E2F5: variants seen among roughly 807,000 people sequenced by gnomAD.
E2F5 encodes E2F transcription factor 5.
E2F5 carries 23 observed loss-of-function variants against 39.1 expected under a neutral mutation model. The ratio of observed to expected loss-of-function variants is 0.59; its 90% confidence interval spans 0.42 to 0.83. The LOEUF is 0.83. Ranked by LOEUF, E2F5 falls within the 40% of genes least tolerant of loss-of-function variation. The probability of loss-of-function intolerance (pLI) is 0.00; values close to 1 mark genes in which losing one functional copy is unlikely to be tolerated. For missense variants in E2F5, 365 were observed against 406.7 expected (o/e 0.90, Z 0.88); for synonymous variants, 145 against 157.8 (o/e 0.92, Z 0.61).
rs753208206 is a variant in E2F5, at chr8:85,213,755, T to A, written c.934T>A (p.Phe312Ile). 6.3e-6 allele frequency: 10 copies of A among 1,598,794 alleles called. No individual in the cohort carries two copies. Among genetic ancestry groups the A allele is most frequent in the African/African-American group, 1.3e-5 (1 of 74,442 alleles). ...CTAAATTTGTTTTTTGTTCGCAGTG[T>A]TTCCTCTCTTAAGGCTTTCTCCTAC... ...IIDELMSSDV[F>I]PLLRLSPTPA... The change falls in exon 8 of 8, where the codon TTT (phenylalanine) becomes ATT (isoleucine). Residue 312 changes from phenylalanine to isoleucine, a missense_variant and splice_region_variant. By Grantham distance (21) the Phe-to-Ile change is conservative (BLOSUM62 0). Transcript: ENST00000416274.
chr8:85,212,232 A>G, intron 7 of E2F5, 28 bp downstream of exon 7: 1 of 1,507,614 alleles, frequency 6.6e-7, no homozygotes, highest in Non-Finnish European at 9.2e-7. Flanking sequence ...TTACTAACTC[A>G]CTTATCAGTA....
At chr8:85,198,075 C>G (rs1812618242) in intron 1 of E2F5, among the ~76,000 whole-genome samples, 1 of 152,126 alleles carries the variant, frequency 6.6e-6, no homozygotes, top group Admixed American at 6.5e-5. Context: ...AAAAATCAAC[C>G]AGAAGGAAAT....
Position 85,214,373 on chromosome 8 carries a change from CTTTAAG to C in E2F5, c.*516_*521del, listed in dbSNP as rs564701079. 297 of 610,414 alleles carry C rather than the reference CTTTAAG, an allele frequency of 4.9e-4. No individual in the cohort carries two copies. Among genetic ancestry groups the C allele is most frequent in the African/African-American group, 1.7e-3 (92 of 53,784 alleles). The allele number at this position is 610,414 out of a possible 1,614,324, so 37.8% of individuals were successfully genotyped here. On this transcript the variant is annotated 3_prime_UTR_variant, in exon 8 of 8. Coordinates refer to ENST00000416274, the MANE Select transcript of E2F5 (RefSeq NM_001951.4). The stretch of plus-strand genomic sequence containing the variant: ...TTGTGAAGTGCCTTCTGTTTTAGCA[CTTTAAG>C]TTTATCACATTTTGTTGACTTCTGA...
At chr8:85,183,252 G>A (rs991249053) in intron 1 of E2F5, among the ~76,000 whole-genome samples, 2 of 151,988 alleles carry the variant, frequency 1.3e-5, no homozygotes, top group African/African-American at 4.8e-5. Flanking sequence ...ACTCCGTCTC[G>A]AAAAACAGCA....
intron 1 of E2F5, among the ~76,000 whole-genome samples, chr8:85,183,945 G>A (rs1465320511): frequency 2.0e-5 from 3 of 152,044 alleles, no homozygotes; most frequent in Non-Finnish European, 4.4e-5. Context: ...GGGGAAATTT[G>A]GATATACAAA....
At chr8:85,184,969 A>G (rs892314981) in intron 1 of E2F5, among the ~76,000 whole-genome samples, 1 of 152,220 alleles carries the variant, frequency 6.6e-6, no homozygotes, top group African/African-American at 2.4e-5. Flanking sequence ...TGCTATCCCT[A>G]TCAAGCTACC....
In E2F5 at chr8:85,203,219, G is replaced by T; in HGVS notation, c.470G>T (p.Ser157Ile). The T allele has an allele frequency of 6.2e-7, 1 of 1,601,806 alleles. No homozygotes were observed. Among genetic ancestry groups the T allele is most frequent in the South Asian group, 1.1e-5 (1 of 88,162 alleles). Residue 157 changes from serine to isoleucine, a missense_variant, in exon 3 of 8, where the codon AGC becomes ATC. By Grantham distance (142) the Ser-to-Ile change is moderately radical (BLOSUM62 -2). Coordinates refer to ENST00000416274, the MANE Select transcript of E2F5 (RefSeq NM_001951.4). Reference sequence around the variant, plus strand: ...CAGCAGAAGTTGTGGCTACAGCAAAGCATCAAAAATGTGATGGACGATTCC... The same window carrying T: ...CAGCAGAAGTTGTGGCTACAGCAAATCATCAAAAATGTGATGGACGATTCC... ...LDQQKLWLQQ[S>I]IKNVMDDSIN... is the part of the protein sequence containing the mutation.
At chr8:85,177,855 C>G in intron 1 of E2F5, 1 of 940,614 alleles carries the variant, frequency 1.1e-6, no homozygotes, top group Non-Finnish European at 1.3e-6. Context: ...AGGATGGCAC[C>G]GAGCGGACGC....
At chr8:85,199,350 T>C (rs546022838) in intron 1 of E2F5, among the ~76,000 whole-genome samples, 88 of 152,280 alleles carry the variant, frequency 5.8e-4, no homozygotes, top group Middle Eastern at 3.4e-3. Flanking sequence ...GAGAGCTCTT[T>C]CCCTGAAAAT....
Position 85,213,848 on chromosome 8 carries a change from A to G in E2F5, c.1027A>G (p.Ile343Val), listed in dbSNP as rs1813017796. 1.3e-6 allele frequency: 2 copies of G among 1,597,606 alleles called. No individual in the cohort carries two copies. Among genetic ancestry groups the G allele is most frequent in the Non-Finnish European group, 1.7e-6 (2 of 1,165,694 alleles). Reference protein sequence around the residue: ...EGVCDLFDVQILNY With the variant: ...EGVCDLFDVQVLNY Reference sequence around the variant, plus strand: ...AGTTTGTGATCTGTTTGATGTCCAGATACTAAATTATTAGATTCCATGGAA... The same window carrying G: ...AGTTTGTGATCTGTTTGATGTCCAGGTACTAAATTATTAGATTCCATGGAA... The change falls in exon 8 of 8, where the codon ATA (isoleucine) becomes GTA (valine). Residue 343 changes from isoleucine (I) to valine (V), a missense_variant. Transcript: ENST00000416274.
chr8:85,177,665 G>C lies in E2F5; in HGVS notation c.234+11G>C, dbSNP rs1287910875. Reference sequence around the variant, plus strand: ...CTGGATCTCAAAGCGGTGAGCTCCGGAGGCGGGGACGGGGGCGGACTTCGG... The same window carrying C: ...CTGGATCTCAAAGCGGTGAGCTCCGCAGGCGGGGACGGGGGCGGACTTCGG... On this transcript the variant is annotated intron_variant, in intron 1 of 7. Transcript: ENST00000416274. 3.9e-6 allele frequency: 5 copies of C among 1,281,518 alleles called. No individual in the cohort carries two copies. The highest frequency in any genetic ancestry group is 6.8e-5 in the South Asian group (2 of 29,218). 79.4% of individuals were successfully genotyped at this position (1,281,518 alleles called of 1,614,324 possible). A position where few individuals can be genotyped will look rare whatever the true frequency, so the allele number is the denominator to read the frequency against.
intron 1 of E2F5, among the ~76,000 whole-genome samples, chr8:85,193,213 A>G (rs1335529353): frequency 6.6e-6 from 1 of 152,090 alleles, no homozygotes; most frequent in Non-Finnish European, 1.5e-5. Flanking sequence ...GGCCAGGTGC[A>G]GTGGCTCATG....
At chr8:85,213,557 A>G (rs897076590) in intron 7 of E2F5, 196 bp from the exon 8 acceptor site, 4 of 286,270 alleles carry the variant, frequency 1.4e-5, no homozygotes, top group East Asian at 6.5e-5. Flanking sequence ...AAAAAAAAAA[A>G]AAAAGAAAAA....
At chr8:85,200,445 C>T in intron 1 of E2F5, 1 of 386,506 alleles carries the variant, frequency 2.6e-6, no homozygotes, top group Non-Finnish European at 3.5e-6. Context: ...ATAAACAAGA[C>T]ACCTTTTTAA....
Position 85,209,422 on chromosome 8 carries a change from CCTTT to C in E2F5, c.883+18_883+21del, listed in dbSNP as rs1812869825. On this transcript the variant is annotated intron_variant, in intron 6 of 7. Transcript: ENST00000416274. The stretch of plus-strand genomic sequence containing the variant: ...GATATATCTTCAGGTGGGTTCAGAG[CCTTT>C]CTTTTGTAAATTAGAGAGGGAGAAA... The C allele has an allele frequency of 1.3e-6, 2 of 1,582,268 alleles. No individual in the cohort carries two copies. Among genetic ancestry groups the C allele is most frequent in the South Asian group, 1.2e-5 (1 of 86,906 alleles).
chr8:85,184,451 A>T (rs1812285014), intron 1 of E2F5, among the ~76,000 whole-genome samples: 1 of 152,220 alleles, frequency 6.6e-6, no homozygotes, highest in African/African-American at 2.4e-5. Flanking sequence ...TTCGAAAACC[A>T]GTATAAGACA....
chr8:85,203,309 T>G (rs1812732505), intron 3 of E2F5, 54 bp downstream of exon 3: 2 of 1,376,580 alleles, frequency 1.5e-6, no homozygotes, highest in Non-Finnish European at 1.9e-6. Flanking sequence ...TATGTATGTA[T>G]AAATCATTTC....
intron 1 of E2F5, among the ~76,000 whole-genome samples, chr8:85,185,794 C>G (rs1812321151): frequency 6.6e-6 from 1 of 152,198 alleles, no homozygotes; most frequent in African/African-American, 2.4e-5. Flanking sequence ...AAATGCGAAT[C>G]AAAACCACAA....
At chr8:85,200,774 A>T (rs192554033) in intron 1 of E2F5, among the ~76,000 whole-genome samples, 11 of 152,338 alleles carry the variant, frequency 7.2e-5, no homozygotes, top group Admixed American at 5.9e-4. Context: ...AAGGTCGATA[A>T]AACAAGAAGG....
Sources: gnomAD v4.1 joint callset for allele counts (sites outside exome capture counted in the v4.1 genomes callset) on GRCh38, gnomAD v4.1.1 for gene constraint, MANE v1.5 for transcripts, NCBI Gene and HGNC (gene_info 2026-07-23, HGNC 2026-07-21) for gene names.